Variants in CFAP91 observed in about 807,000 individuals in gnomAD.
The protein encoded by CFAP91 is cilia- and flagella-associated protein 91.
A neutral mutation model predicts 95.9 loss-of-function variants in CFAP91; 85 were observed. The ratio of observed to expected loss-of-function variants is 0.89; its 90% CI spans 0.74 to 1.06. The LOEUF (loss-of-function observed/expected upper bound fraction) is 1.06. Ranked by LOEUF, CFAP91 falls within the 50% of genes least tolerant of loss-of-function variation. CFAP91 has a pLI of 0.00. For missense variants in CFAP91, 962 were observed against 943.4 expected (o/e 1.02, Z -0.26); for synonymous variants, 335 against 327.5 (o/e 1.02, Z -0.25).
At chr3:119,741,005 C>A (rs1349509577) in intron 13 of CFAP91, among the ~76,000 whole-genome samples, 1 of 152,142 alleles carries the variant, frequency 6.6e-6, no homozygotes, top group Non-Finnish European at 1.5e-5. Flanking sequence ...GCATGCACCA[C>A]CATGCTTGGC....
At chr3:119,748,196 T>A (rs538538457) in intron 16 of CFAP91, among the ~76,000 whole-genome samples, 2 of 152,212 alleles carry the variant, frequency 1.3e-5, no homozygotes, top group African/African-American at 2.4e-5. Flanking sequence ...TTTATTTTTT[T>A]AAAAAGCATA....
intron 14 of CFAP91, among the ~76,000 whole-genome samples, chr3:119,745,846 G>T (rs1457363674): frequency 6.6e-6 from 1 of 152,192 alleles, no homozygotes; most frequent in African/African-American, 2.4e-5. Context: ...GGGATTGAAG[G>T]TTGATGTTTT....
intron 1 of CFAP91, among the ~76,000 whole-genome samples, chr3:119,704,980 A>G (rs1452226535): frequency 1.3e-5 from 2 of 152,198 alleles, no homozygotes; most frequent in African/African-American, 4.8e-5. Context: ...AGGCTATACC[A>G]GCTAGGTTTA....
chr3:119,757,508 A>C (rs989712723), intron 17 of CFAP91, among the ~76,000 whole-genome samples: 3 of 151,968 alleles, frequency 2.0e-5, no homozygotes, highest in Admixed American at 2.0e-4. Context: ...TTAGCCAGGC[A>C]TGGTGGTGTG....
chr3:119,726,369 A>G, intron 7 of CFAP91, 21 bp downstream of exon 7: 1 of 1,597,466 alleles, frequency 6.3e-7, no homozygotes, highest in Non-Finnish European at 8.5e-7. Flanking sequence ...TATCACCCAG[A>G]CAACTGTTCC....
chr3:119,756,213 T>C (rs1415774810), intron 17 of CFAP91, among the ~76,000 whole-genome samples: 1 of 152,104 alleles, frequency 6.6e-6, no homozygotes, highest in Admixed American at 6.5e-5. Context: ...AACGATAAAT[T>C]ACCTTCATAA....
intron 8 of CFAP91, among the ~76,000 whole-genome samples, chr3:119,730,875 G>T (rs1021445855): frequency 2.0e-5 from 3 of 151,986 alleles, no homozygotes; most frequent in Non-Finnish European, 4.4e-5. Context: ...GGAAGTATAT[G>T]GTTTATTATT....
At chr3:119,745,316 A>T (rs746863465) in intron 14 of CFAP91, among the ~76,000 whole-genome samples, 4 of 152,240 alleles carry the variant, frequency 2.6e-5, no homozygotes, top group Non-Finnish European at 5.9e-5. Flanking sequence ...GTAATATTTA[A>T]TAAATTTCCA....
chr3:119,733,581 A>C (rs1244901755), intron 10 of CFAP91, 75 bp downstream of exon 10: 2 of 1,481,156 alleles, frequency 1.4e-6, no homozygotes, highest in Middle Eastern at 1.8e-4. Context: ...CAAAAATTGC[A>C]GCAATGTCCA....
At chr3:119,705,072 A>G (rs1054081193) in intron 1 of CFAP91, among the ~76,000 whole-genome samples, 4 of 152,206 alleles carry the variant, frequency 2.6e-5, no homozygotes, top group African/African-American at 4.8e-5. Context: ...TCATTAAGCA[A>G]CACATCTCTA....
chr3:119,741,049 G>C (rs921615539), intron 13 of CFAP91, among the ~76,000 whole-genome samples: 1 of 152,000 alleles, frequency 6.6e-6, no homozygotes, highest in African/African-American at 2.4e-5. Context: ...ATGGGGTTTC[G>C]CCATATTGGC....
chr3:119,735,360 T>A (rs1427571378), intron 10 of CFAP91, among the ~76,000 whole-genome samples: 1 of 152,180 alleles, frequency 6.6e-6, no homozygotes, highest in Non-Finnish European at 1.5e-5. Flanking sequence ...ATTCATCTGT[T>A]TTATATAAGT....
chr3:119,755,597 A>G (rs1448156406), intron 17 of CFAP91, among the ~76,000 whole-genome samples: 1 of 152,110 alleles, frequency 6.6e-6, no homozygotes, highest in Non-Finnish European at 1.5e-5. Context: ...CTCAACCAAA[A>G]CTAACCATGC....
intron 10 of CFAP91, among the ~76,000 whole-genome samples, chr3:119,736,493 G>C (rs190369713): frequency 2.0e-5 from 3 of 151,838 alleles, no homozygotes; most frequent in Admixed American, 2.0e-4. Flanking sequence ...AGCCAGGATG[G>C]TCTTGATCTC....
At chr3:119,733,614 T>A in intron 10 of CFAP91, 108 bp downstream of exon 10, 1 of 1,120,734 alleles carries the variant, frequency 8.9e-7, no homozygotes, top group South Asian at 1.5e-5. Context: ...TAGACCTACA[T>A]TCTCTGCTCT....
chr3:119,732,384 A>T lies in CFAP91; in HGVS notation c.1109A>T (p.Gln370Leu). The change falls in exon 9 of 18, where the codon CAG becomes CTG. Residue 370 changes from glutamine (Q) to leucine (L), a missense_variant. Gln to Leu is a moderately radical substitution (Grantham distance 113, BLOSUM62 -2). Transcript: ENST00000273390. Reference sequence around the variant, plus strand: ...AAGGATTATTCTGATTATGCATCACAGGTCTATGGACCTCTGTCTCGTCTT... The same window carrying T: ...AAGGATTATTCTGATTATGCATCACTGGTCTATGGACCTCTGTCTCGTCTT... ...IIKDYSDYAS[Q>L]VYGPLSRLGC... is the part of the protein sequence containing the mutation. 1 of 1,613,102 alleles carries T rather than the reference A, an allele frequency of 6.2e-7. No homozygotes were observed. Among genetic ancestry groups the T allele is most frequent in the Non-Finnish European group, 8.5e-7 (1 of 1,179,226 alleles).
At chr3:119,748,597 G>A (rs1389091912) in intron 16 of CFAP91, among the ~76,000 whole-genome samples, 1 of 152,066 alleles carries the variant, frequency 6.6e-6, no homozygotes, top group Non-Finnish European at 1.5e-5. Flanking sequence ...ATTATACCGG[G>A]GAATTCCAGA....
intron 7 of CFAP91, among the ~76,000 whole-genome samples, chr3:119,727,239 T>C (rs1180456352): frequency 6.6e-6 from 1 of 152,212 alleles, no homozygotes; most frequent in Admixed American, 6.5e-5. Context: ...ATTTGGAATA[T>C]GTTAAATTTT....
At chr3:119,739,111 G>C (rs919087315) in intron 11 of CFAP91, 144 bp from the exon 12 acceptor site, 5 of 696,424 alleles carry the variant, frequency 7.2e-6, no homozygotes, top group African/African-American at 5.3e-5. Context: ...TGTTCAATAA[G>C]GGCAGGGACC....
Sources: allele counts gnomAD v4.1 joint callset (sites outside exome capture counted in the v4.1 genomes callset), GRCh38; gene constraint gnomAD v4.1.1; transcripts MANE v1.5; gene names NCBI Gene and HGNC (gene_info 2026-07-23, HGNC 2026-07-21).